The following AGMO variants were observed in gnomAD, a reference collection of about 807,000 sequenced individuals.
AGMO encodes the protein alkylglycerol monooxygenase.
Under a neutral mutation model 60.2 loss-of-function variants are expected in AGMO, and 75 were observed. The ratio of observed to expected loss-of-function variants is 1.25; its 90% CI spans 1.03 to 1.51. The LOEUF (loss-of-function observed/expected upper bound fraction) is 1.51, where lower values mean the gene tolerates loss of function less well. Among genes scored for constraint, AGMO ranks in the 40% most tolerant of loss-of-function variants. The pLI is 0.00. For missense variants in AGMO, 763 were observed against 525.5 expected (o/e 1.45, Z -4.42); for synonymous variants, 261 against 177.1 (o/e 1.47, Z -3.76).
intron 8 of AGMO, among the ~76,000 whole-genome samples, chr7:15,388,608 C>T (rs1390178724): frequency 6.6e-6 from 1 of 152,008 alleles, no homozygotes; most frequent in Non-Finnish European, 1.5e-5. Flanking sequence ...TTTCCCAATG[C>T]TCTGAAAATG....
At chr7:15,201,398 G>T (rs1781277478) in intron 12 of AGMO, 39 bp from the exon 13 acceptor site, 2 of 1,432,604 alleles carry the variant, frequency 1.4e-6, no homozygotes, top group African/African-American at 1.4e-5. Context: ...AAAATTAGAA[G>T]TGAATCAATA....
intron 6 of AGMO, among the ~76,000 whole-genome samples, 152 bp downstream of exon 6, chr7:15,393,960 TG>T (rs1205246137): frequency 1.4e-5 from 2 of 143,412 alleles, no homozygotes; most frequent in Admixed American, 7.0e-5. Context: ...AGATGAGGCT[TG>T]TACCAAAGAA....
chr7:15,237,732 T>A (rs1389032196), intron 12 of AGMO, among the ~76,000 whole-genome samples: 1 of 152,090 alleles, frequency 6.6e-6, no homozygotes, highest in African/African-American at 2.4e-5. Context: ...CAACACAGTC[T>A]TAACGTTCAC....
At chr7:15,256,999 T>TA (rs1479363431) in intron 12 of AGMO, among the ~76,000 whole-genome samples, 1 of 152,224 alleles carries the variant, frequency 6.6e-6, no homozygotes, top group Non-Finnish European at 1.5e-5. Context: ...GAGGTGCATT[T>TA]CTTTTATAAG....
chr7:15,463,091 CCTTT>C (rs1347819833), intron 3 of AGMO, among the ~76,000 whole-genome samples: 3 of 152,058 alleles, frequency 2.0e-5, no homozygotes, highest in Non-Finnish European at 4.4e-5. Context: ...ATTCCATTGT[CCTTT>C]CTTCTGAATT....
intron 12 of AGMO, among the ~76,000 whole-genome samples, chr7:15,304,148 T>C (rs1218689588): frequency 6.6e-6 from 1 of 152,154 alleles, no homozygotes; most frequent in Non-Finnish European, 1.5e-5. Context: ...GTGGGCTCTC[T>C]GCTCAAAATA....
At chr7:15,182,666 C>G in the AGMO span, among the ~76,000 whole-genome samples, 1 of 152,174 alleles carries the variant, frequency 6.6e-6, no homozygotes, top group Non-Finnish European at 1.5e-5. Context: ...ACCCACCTGT[C>G]TTTGCCTCCC....
intron 12 of AGMO, among the ~76,000 whole-genome samples, chr7:15,314,505 C>T (rs1476415092): frequency 6.6e-6 from 1 of 152,088 alleles, no homozygotes; most frequent in Admixed American, 6.5e-5. Flanking sequence ...TACTTTAAAT[C>T]ACATTCTAGT....
chr7:15,395,461 CAG>C (rs144100313), intron 5 of AGMO, among the ~76,000 whole-genome samples: 5,406 of 151,952 alleles, frequency 0.036, 305 homozygotes, highest in African/African-American at 0.12. Context: ...TTATAATAAA[CAG>C]GGTATTAATA....
At chr7:15,487,132 G>A (rs552610977) in intron 3 of AGMO, among the ~76,000 whole-genome samples, 3 of 152,268 alleles carry the variant, frequency 2.0e-5, no homozygotes, top group East Asian at 1.9e-4. Flanking sequence ...TTGGGTGAAA[G>A]TTCCCTATCA....
chr7:15,187,606 TCA>T, the AGMO span, among the ~76,000 whole-genome samples: 1 of 152,200 alleles, frequency 6.6e-6, no homozygotes, highest in Admixed American at 6.5e-5. Context: ...CACCCCTTCC[TCA>T]ATTTGCCCTG....
At chr7:15,330,851 C>T (rs1027477256) in intron 12 of AGMO, among the ~76,000 whole-genome samples, 12 of 151,940 alleles carry the variant, frequency 7.9e-5, no homozygotes, top group Non-Finnish European at 1.5e-4. Context: ...TAGAAATCCG[C>T]TGACAAACTG....
At chr7:15,126,190 C>A in the AGMO span, among the ~76,000 whole-genome samples, 1 of 151,988 alleles carries the variant, frequency 6.6e-6, no homozygotes, top group Non-Finnish European at 1.5e-5. Flanking sequence ...CACCTACTAG[C>A]TGTATATTTT....
intron 12 of AGMO, among the ~76,000 whole-genome samples, chr7:15,297,811 T>C (rs1784447398): frequency 1.3e-5 from 2 of 152,238 alleles, no homozygotes; most frequent in South Asian, 2.1e-4. Context: ...GACTGGAAAG[T>C]AGGCAAACAT....
chr7:15,540,089 T>C (rs559402018), intron 3 of AGMO, among the ~76,000 whole-genome samples: 1 of 152,238 alleles, frequency 6.6e-6, no homozygotes, highest in East Asian at 1.9e-4. Flanking sequence ...GAATTCAATG[T>C]TACAGAAGTA....
At chr7:15,237,472 T>C (rs565972373) in intron 12 of AGMO, among the ~76,000 whole-genome samples, 1 of 152,164 alleles carries the variant, frequency 6.6e-6, no homozygotes, top group African/African-American at 2.4e-5. Flanking sequence ...ATACTTCGGT[T>C]AGACCTAGAG....
In AGMO at chr7:15,401,591, C is replaced by T. The variant is rs938233544; in HGVS notation, c.610-7412G>A. Among the ~76,000 whole-genome samples the T allele has an allele frequency of 5.9e-5, 9 of 152,100 alleles. No individual in the cohort carries two copies. In the South Asian group the frequency reaches 1.0e-3, roughly 18 times the overall value. On this transcript the variant is annotated intron_variant, in intron 5 of 12. Coordinates refer to ENST00000342526, the MANE Select transcript of AGMO (RefSeq NM_001004320.2). The stretch of plus-strand genomic sequence containing the variant: ...CAATTTTTACATCTGCAAATGGATA[C>T]TAAAATACTAGAATATGTTATTGAA...
At chr7:15,377,702 T>C (rs1783508037) in intron 10 of AGMO, among the ~76,000 whole-genome samples, 1 of 152,096 alleles carries the variant, frequency 6.6e-6, no homozygotes. Flanking sequence ...CAGATGACCC[T>C]GGCTTTTCTT....
intron 12 of AGMO, among the ~76,000 whole-genome samples, chr7:15,265,042 C>G (rs529464596): frequency 6.6e-6 from 1 of 152,126 alleles, no homozygotes; most frequent in Non-Finnish European, 1.5e-5. Context: ...ATGTGCCCAT[C>G]AATAGTGGAC....
Sources: gnomAD v4.1 joint callset for allele counts (sites outside exome capture counted in the v4.1 genomes callset) on GRCh38, gnomAD v4.1.1 for gene constraint, MANE v1.5 for transcripts, NCBI Gene and HGNC (gene_info 2026-07-23, HGNC 2026-07-21) for gene names.